Variants in RNF152 observed in about 807,000 individuals in gnomAD.
RNF152 encodes ring finger protein 152.
Under a neutral mutation model 12.7 loss-of-function variants are expected in RNF152, and 11 were observed. That is an observed-to-expected ratio of 0.86 (90% CI 0.54 to 1.43). RNF152 has a LOEUF of 1.43. Ranked by LOEUF, RNF152 falls within the 40% of genes most tolerant of loss-of-function variation. The probability of loss-of-function intolerance (pLI) is 0.00; values close to 1 mark genes in which losing one functional copy is unlikely to be tolerated. For synonymous variants in RNF152, 113 were observed against 120.3 expected (o/e 0.94, Z 0.40); for missense variants, 255 against 274.8 (o/e 0.93, Z 0.51).
chr18:61,856,640 C>T (rs1159674635), intron 1 of RNF152, among the ~76,000 whole-genome samples: 3 of 152,148 alleles, frequency 2.0e-5, no homozygotes, highest in Non-Finnish European at 4.4e-5. Context: ...TGTCCTTACT[C>T]ATTCCACATC....
intron 1 of RNF152, among the ~76,000 whole-genome samples, chr18:61,887,838 T>A (rs944412034): frequency 6.6e-6 from 1 of 152,100 alleles, no homozygotes; most frequent in African/African-American, 2.4e-5. Flanking sequence ...AGATCAGAAC[T>A]GAGCCGGGAA....
chr18:61,883,892 G>T (rs1665545039), intron 1 of RNF152, among the ~76,000 whole-genome samples: 1 of 152,136 alleles, frequency 6.6e-6, no homozygotes, highest in Admixed American at 6.5e-5. Flanking sequence ...TAAACTCAGA[G>T]CCACTGAAAG....
chr18:61,812,268 A>T lies in RNF152; in HGVS notation c.*3584T>A, dbSNP rs1470601488. 3 of 152,198 alleles carry T rather than the reference A, an allele frequency of 2.0e-5. No individual in the cohort carries two copies. Among genetic ancestry groups the T allele is most frequent in the Admixed American group, 6.5e-5 (1 of 15,280 alleles). 9.4% of individuals were successfully genotyped at this position (152,198 alleles called of 1,614,324 possible). A position where few individuals can be genotyped will look rare whatever the true frequency, so the allele number is the denominator to read the frequency against. On this transcript the variant is annotated 3_prime_UTR_variant, in exon 2 of 2. Transcript: ENST00000312828. ...CCCCATTTTAACTGCCTAAAAGTCAATGTGCCTGGTGGCTACCGTACCAGA... is the reference window on the plus strand; with the variant it reads ...CCCCATTTTAACTGCCTAAAAGTCATTGTGCCTGGTGGCTACCGTACCAGA...
At chr18:61,875,293 G>A (rs539416472) in intron 1 of RNF152, among the ~76,000 whole-genome samples, 16 of 152,262 alleles carry the variant, frequency 1.1e-4, no homozygotes, top group East Asian at 3.9e-4. Context: ...CTTAAGCACC[G>A]TCTGTAAAAT....
chr18:61,813,638 A>G lies in RNF152; in HGVS notation c.*2214T>C, dbSNP rs935355939. Reference sequence around the variant, plus strand: ...AACCTACTTTAACAAGTAGAACTCTATCACGTACTATACTACAGGGTCAGT... The same window carrying G: ...AACCTACTTTAACAAGTAGAACTCTGTCACGTACTATACTACAGGGTCAGT... On this transcript the variant is annotated 3_prime_UTR_variant, in exon 2 of 2. Coordinates refer to ENST00000312828, the MANE Select transcript of RNF152 (RefSeq NM_173557.3). The G allele has an allele frequency of 2.6e-5, 4 of 152,246 alleles. No individual in the cohort carries two copies. The highest frequency in any genetic ancestry group is 5.9e-5 in the Non-Finnish European group (4 of 68,038). 9.4% of individuals were successfully genotyped at this position (152,246 alleles called of 1,614,324 possible).
At chr18:61,866,902 A>AC (rs1440366190) in intron 1 of RNF152, among the ~76,000 whole-genome samples, 2 of 127,802 alleles carry the variant, frequency 1.6e-5, no homozygotes, top group Non-Finnish European at 3.5e-5. Context: ...AAAACAACAC[A>AC]AAAAAAACAG....
At chr18:61,857,094 G>A (rs891605174) in intron 1 of RNF152, among the ~76,000 whole-genome samples, 2 of 152,144 alleles carry the variant, frequency 1.3e-5, no homozygotes, top group African/African-American at 4.8e-5. Flanking sequence ...AGGGGAACAG[G>A]CATAAAAGAC....
intron 1 of RNF152, among the ~76,000 whole-genome samples, chr18:61,829,090 G>A (rs937228250): frequency 6.6e-6 from 1 of 152,114 alleles, no homozygotes; most frequent in Non-Finnish European, 1.5e-5. Flanking sequence ...ACCAGAGCCT[G>A]GGACCTCCAG....
chr18:61,813,257 T>TTCTC lies in RNF152; in HGVS notation c.*2591_*2594dup, dbSNP rs142190304. ...TAAAATTCTATCTGGGAGACTGAGA[T>TTCTC]TCTCTCTCTCTCTCTCTCTCTCACA... is the stretch of plus-strand genomic sequence containing the variant. On this transcript the variant is annotated 3_prime_UTR_variant, in exon 2 of 2. Coordinates refer to ENST00000312828, the MANE Select transcript of RNF152 (RefSeq NM_173557.3). 479 of 125,914 alleles carry TTCTC rather than the reference T, an allele frequency of 3.8e-3. 4 individuals carry two copies. The highest frequency in any genetic ancestry group is 0.035 in the East Asian group (151 of 4,272). The allele number at this position is 125,914 out of a possible 1,614,324, so 7.8% of individuals were successfully genotyped here. A position where few individuals can be genotyped will look rare whatever the true frequency, so the allele number is the denominator to read the frequency against.
At chr18:61,876,754 G>A (rs762750088) in intron 1 of RNF152, among the ~76,000 whole-genome samples, 7 of 152,146 alleles carry the variant, frequency 4.6e-5, no homozygotes, top group African/African-American at 1.4e-4. Flanking sequence ...ACTCTACCCC[G>A]TAGGATTGCT....
chr18:61,830,899 CTTGAGATTTTGTACCTAGCAAA>C (rs1909910608), intron 1 of RNF152, among the ~76,000 whole-genome samples: 3 of 152,148 alleles, frequency 2.0e-5, no homozygotes, highest in African/African-American at 7.2e-5. Context: ...CTCTCTGAAT[CTTGAGATTTTGTACCTAGCAAA>C]GTCCTGACTT....
intron 1 of RNF152, among the ~76,000 whole-genome samples, chr18:61,859,084 G>C (rs972950874): frequency 6.6e-6 from 1 of 152,144 alleles, no homozygotes; most frequent in African/African-American, 2.4e-5. Flanking sequence ...TATTATAGAC[G>C]AGGGCTGGTG....
intron 1 of RNF152, among the ~76,000 whole-genome samples, chr18:61,868,823 A>G (rs1448442159): frequency 6.6e-6 from 1 of 152,246 alleles, no homozygotes; most frequent in East Asian, 1.9e-4. Context: ...TGTGGCAGAA[A>G]GACAGAGCAG....
At chr18:61,822,779 C>A (rs1461717147) in intron 1 of RNF152, among the ~76,000 whole-genome samples, 1 of 152,108 alleles carries the variant, frequency 6.6e-6, no homozygotes, top group Non-Finnish European at 1.5e-5. Context: ...CTATGAGGAC[C>A]TTAAATTCAA....
rs1234635658 is a variant in RNF152 at position 61,814,008 on chromosome 18, G to T, written c.*1844C>A. The T allele has an allele frequency of 6.6e-6, 1 of 152,080 alleles. No individual in the cohort carries two copies. Among genetic ancestry groups the T allele is most frequent in the African/African-American group, 2.4e-5 (1 of 41,394 alleles). 9.4% of individuals were successfully genotyped at this position (152,080 alleles called of 1,614,324 possible). On this transcript the variant is annotated 3_prime_UTR_variant, in exon 2 of 2. Coordinates refer to ENST00000312828, the MANE Select transcript of RNF152 (RefSeq NM_173557.3). Reference sequence around the variant, plus strand: ...GCCCAAGAGCTTACACAATAAAATGGCATTTTAACCTAATTTCTATTTTGA... The same window carrying T: ...GCCCAAGAGCTTACACAATAAAATGTCATTTTAACCTAATTTCTATTTTGA...
At chr18:61,855,755 T>C (rs183411350) in intron 1 of RNF152, among the ~76,000 whole-genome samples, 47 of 152,268 alleles carry the variant, frequency 3.1e-4, no homozygotes, top group East Asian at 1.2e-3. Context: ...GCTGGTAGCA[T>C]GAACTGAGCG....
intron 1 of RNF152, among the ~76,000 whole-genome samples, chr18:61,844,219 GA>G (rs200550326): frequency 3.0e-5 from 4 of 132,044 alleles, no homozygotes; most frequent in African/African-American, 8.4e-5. Flanking sequence ...AGGAGGGAGG[GA>G]AGGAGGGAGA....
chr18:61,846,533 A>G (rs949364450), intron 1 of RNF152, among the ~76,000 whole-genome samples: 2 of 152,210 alleles, frequency 1.3e-5, no homozygotes, highest in South Asian at 2.1e-4. Context: ...GTGGTCCCCA[A>G]CTCACAGATG....
chr18:61,860,753 G>A (rs1005774609), intron 1 of RNF152, among the ~76,000 whole-genome samples: 2 of 152,212 alleles, frequency 1.3e-5, no homozygotes, highest in Non-Finnish European at 2.9e-5. Flanking sequence ...AGGCACTGCT[G>A]TCACAGGAAA....
Sources: allele counts gnomAD v4.1 joint callset (sites outside exome capture counted in the v4.1 genomes callset), GRCh38; gene constraint gnomAD v4.1.1; transcripts MANE v1.5; gene names NCBI Gene and HGNC (gene_info 2026-07-23, HGNC 2026-07-21).